PLCH1: variants seen among roughly 807,000 people sequenced by gnomAD.
PLCH1 encodes phospholipase C eta 1, also known as 1-phosphatidylinositol 4,5-bisphosphate phosphodiesterase eta-1.
PLCH1 carries 60 observed loss-of-function variants against 126.7 expected under a neutral mutation model. The ratio of observed to expected loss-of-function variants is 0.47; its 90% CI spans 0.38 to 0.59. The LOEUF is 0.59. PLCH1 is among the 20% of genes least tolerant of loss of function. The pLI is 0.00. For missense variants in PLCH1, 1,723 were observed against 2,040.0 expected, an observed-to-expected ratio of 0.84 and a Z score of 2.99; for synonymous variants, 719 against 734.9, an observed-to-expected ratio of 0.98 and a Z score of 0.35.
intron 8 of PLCH1, among the ~76,000 whole-genome samples, chr3:155,554,673 C>T (rs1726576763): frequency 6.6e-6 from 1 of 152,160 alleles, no homozygotes; most frequent in Non-Finnish European, 1.5e-5. Context: ...GATTGATTTT[C>T]ATTTCATTAA....
At chr3:155,559,783 G>A (rs1234906886) in intron 8 of PLCH1, among the ~76,000 whole-genome samples, 1 of 152,154 alleles carries the variant, frequency 6.6e-6, no homozygotes, top group Non-Finnish European at 1.5e-5. Context: ...TATTACAGCA[G>A]CGACTGGAAA....
At chr3:155,637,147 T>A (rs1383415519) in intron 2 of PLCH1, among the ~76,000 whole-genome samples, 1 of 152,190 alleles carries the variant, frequency 6.6e-6, no homozygotes. Flanking sequence ...CCCCCCAAAC[T>A]GATTGGACCG....
intron 12 of PLCH1, among the ~76,000 whole-genome samples, chr3:155,514,010 G>A (rs745618538): frequency 5.3e-5 from 8 of 152,228 alleles, no homozygotes; most frequent in Admixed American, 2.0e-4. Context: ...CAGTTATCTC[G>A]CAACCATCAT....
At chr3:155,531,362 C>T (rs530074515) in intron 10 of PLCH1, among the ~76,000 whole-genome samples, 18 of 152,286 alleles carry the variant, frequency 1.2e-4, no homozygotes, top group South Asian at 1.0e-3. Context: ...CAGTGGCTCA[C>T]GCCTGTAATC....
chr3:155,640,721 T>C (rs1490397299), intron 2 of PLCH1, among the ~76,000 whole-genome samples: 1 of 152,210 alleles, frequency 6.6e-6, no homozygotes, highest in East Asian at 1.9e-4. Context: ...CAGTTAATTA[T>C]TAGATTATTG....
At chr3:155,466,315 G>T (rs1712929868) in intron 21 of PLCH1, among the ~76,000 whole-genome samples, 1 of 152,198 alleles carries the variant, frequency 6.6e-6, no homozygotes, top group African/African-American at 2.4e-5. Flanking sequence ...TATGTCAGAA[G>T]AAAGTAAGGG....
intron 1 of PLCH1, among the ~76,000 whole-genome samples, chr3:155,724,236 ATCTGTTAAGTCTGTTTGT>A (rs1298154432): frequency 2.6e-5 from 4 of 152,166 alleles, no homozygotes; most frequent in African/African-American, 7.2e-5. Context: ...TTCTGTAAAT[ATCTGTTAAGTCTGTTTGT>A]TCTGTTAAGT....
At chr3:155,702,204 G>A (rs1746332327) in intron 2 of PLCH1, among the ~76,000 whole-genome samples, 1 of 152,150 alleles carries the variant, frequency 6.6e-6, no homozygotes, top group Non-Finnish European at 1.5e-5. Context: ...AAAAATCATT[G>A]AGACCAGCAT....
At chr3:155,625,857 G>A in intron 2 of PLCH1, among the ~76,000 whole-genome samples, 1 of 152,144 alleles carries the variant, frequency 6.6e-6, no homozygotes. Context: ...AATACCATTT[G>A]ACCCAGCAAT....
chr3:155,590,959 T>TA (rs1732085489), intron 4 of PLCH1, among the ~76,000 whole-genome samples: 1 of 152,216 alleles, frequency 6.6e-6, no homozygotes, highest in African/African-American at 2.4e-5. Flanking sequence ...TTTCTCTGTG[T>TA]AGTGCCACAG....
intron 2 of PLCH1, among the ~76,000 whole-genome samples, chr3:155,629,880 T>C (rs553470932): frequency 6.0e-4 from 92 of 152,368 alleles, no homozygotes; most frequent in Admixed American, 5.4e-3. Flanking sequence ...TTCTTTTCCC[T>C]GAAATACTTG....
Position 155,593,991 on chromosome 3 carries a change from A to G in PLCH1, c.420T>C (p.Ala140=), listed in dbSNP as rs780848244. 1.2e-6 allele frequency: 2 copies of G among 1,613,900 alleles called. No homozygotes were observed. Among genetic ancestry groups the G allele is most frequent in the Non-Finnish European group, 1.7e-6 (2 of 1,179,818 alleles). Residue 140 remains alanine, a synonymous_variant, in exon 4 of 23, where the codon GCT becomes GCC. Transcript: ENST00000460012. Reference sequence around the variant, plus strand: ...CAAGGGAGTCTTCATCACTGATGCCAGCCATCAGGTACTTGAGGCCTGTGA... The same window carrying G: ...CAAGGGAGTCTTCATCACTGATGCCGGCCATCAGGTACTTGAGGCCTGTGA... ...TWITGLKYLM[A]GISDEDSLAK...
intron 22 of PLCH1, among the ~76,000 whole-genome samples, chr3:155,484,113 A>C (rs1171360245): frequency 6.6e-6 from 1 of 152,230 alleles, no homozygotes; most frequent in Non-Finnish European, 1.5e-5. Context: ...TTAATGCAAC[A>C]TAACTATGTA....
downstream of PLCH1, among the ~76,000 whole-genome samples, chr3:155,475,260 A>G (rs1399500190): frequency 6.6e-6 from 1 of 152,052 alleles, no homozygotes; most frequent in Non-Finnish European, 1.5e-5. Context: ...AAATTTCTAC[A>G]GGATCTAGAA....
chr3:155,711,885 C>T (rs1747148357), intron 1 of PLCH1, among the ~76,000 whole-genome samples: 2 of 152,166 alleles, frequency 1.3e-5, no homozygotes, highest in Admixed American at 1.3e-4. Flanking sequence ...CCTAAAGTTC[C>T]TGGCCACCAT....
intron 10 of PLCH1, among the ~76,000 whole-genome samples, chr3:155,537,835 G>A (rs745329557): frequency 2.6e-5 from 4 of 151,998 alleles, no homozygotes; most frequent in Admixed American, 6.6e-5. Flanking sequence ...CACTAGACAG[G>A]TCATCAAGAC....
intron 1 of PLCH1, among the ~76,000 whole-genome samples, chr3:155,741,388 G>A (rs748672710): frequency 1.3e-5 from 2 of 152,180 alleles, no homozygotes; most frequent in Non-Finnish European, 2.9e-5. Context: ...TAGACAAAGA[G>A]CAATAACCAA....
At chr3:155,574,945 A>G (rs1344509365) in intron 6 of PLCH1, among the ~76,000 whole-genome samples, 2 of 152,152 alleles carry the variant, frequency 1.3e-5, no homozygotes, top group East Asian at 1.9e-4. Flanking sequence ...AGCCTTGCCA[A>G]CGTGGTGAAA....
Position 155,561,139 on chromosome 3 carries a change from A to C in PLCH1, c.1069+3776T>G, listed in dbSNP as rs1201684843. 6.0e-5 allele frequency among the ~76,000 whole-genome samples: 9 copies of C among 149,214 alleles called. No individual in the cohort carries two copies. The East Asian group carries it at 7.9e-4, about 13-fold the overall frequency. ...CTTTTTTTTTTAATTATTATTTCTTATTATTATTATACTTTAAGTTTTAGG... is the reference window on the plus strand; with the variant it reads ...CTTTTTTTTTTAATTATTATTTCTTCTTATTATTATACTTTAAGTTTTAGG... On this transcript the variant is annotated intron_variant, in intron 8 of 22. Coordinates refer to ENST00000460012, the MANE Select transcript of PLCH1 (RefSeq NM_014996.4).
Sources: allele counts gnomAD v4.1 joint callset (sites outside exome capture counted in the v4.1 genomes callset), GRCh38; gene constraint gnomAD v4.1.1; transcripts MANE v1.5; gene names NCBI Gene and HGNC (gene_info 2026-07-23, HGNC 2026-07-21).